The following LOXHD1 variants were observed in gnomAD, a reference collection of about 807,000 sequenced individuals.
The protein encoded by LOXHD1 is lipoxygenase homology domain-containing protein 1.
A neutral mutation model predicts 248.2 loss-of-function variants in LOXHD1; 205 were observed. The observed-to-expected ratio is 0.83, with a 90% CI of 0.74 to 0.93. The LOEUF (loss-of-function observed/expected upper bound fraction) is 0.93, where lower values mean the gene tolerates loss of function less well. Among genes scored for constraint, LOXHD1 ranks in the 40% least tolerant of loss-of-function variants. The pLI is 0.00. For missense variants in LOXHD1, 2,930 were observed against 2,971.6 expected (o/e 0.99, Z 0.33); for synonymous variants, 1,113 against 1,162.8 (o/e 0.96, Z 0.87).
At chr18:46,510,275 G>A (rs1416386526) in intron 34 of LOXHD1, among the ~76,000 whole-genome samples, 1 of 152,198 alleles carries the variant, frequency 6.6e-6, no homozygotes, top group East Asian at 1.9e-4. Flanking sequence ...GCGAATGGTG[G>A]GGCAGGCTGT....
intron 37 of LOXHD1, among the ~76,000 whole-genome samples, chr18:46,503,350 G>T (rs968267358): frequency 1.3e-5 from 2 of 152,160 alleles, no homozygotes; most frequent in Non-Finnish European, 2.9e-5. Flanking sequence ...ACCCATGCCT[G>T]CCACCCTTAC....
At chr18:46,635,980 A>G (rs569853609) in intron 4 of LOXHD1, among the ~76,000 whole-genome samples, 8 of 152,270 alleles carry the variant, frequency 5.3e-5, no homozygotes, top group Non-Finnish European at 8.8e-5. Flanking sequence ...ACCAAAAGCC[A>G]CAGCCATTTG....
chr18:46,547,500 C>A (rs412364), intron 21 of LOXHD1, among the ~76,000 whole-genome samples: 148,219 of 152,310 alleles, frequency 0.97, 72,255 homozygotes, highest in Middle Eastern at 1. Flanking sequence ...CCAATTATGT[C>A]TGCTTTCAGA....
chr18:46,621,488 G>T (rs2038668057), intron 4 of LOXHD1, among the ~76,000 whole-genome samples: 1 of 152,196 alleles, frequency 6.6e-6, no homozygotes, highest in Non-Finnish European at 1.5e-5. Flanking sequence ...GAAAAGCAGG[G>T]CTCCATTCTG....
intron 4 of LOXHD1, among the ~76,000 whole-genome samples, chr18:46,630,642 C>G (rs2038808148): frequency 6.6e-6 from 1 of 152,202 alleles, no homozygotes; most frequent in African/African-American, 2.4e-5. Context: ...CAGGGCTTCC[C>G]TGAAGTCAAA....
intron 4 of LOXHD1, among the ~76,000 whole-genome samples, chr18:46,625,151 A>G (rs1295153184): frequency 6.6e-6 from 1 of 152,164 alleles, no homozygotes; most frequent in Non-Finnish European, 1.5e-5. Context: ...CTTGGCTGTC[A>G]TTGCCCCCAC....
At chr18:46,548,866 T>C (rs1022485254) in intron 21 of LOXHD1, among the ~76,000 whole-genome samples, 2 of 152,192 alleles carry the variant, frequency 1.3e-5, no homozygotes, top group East Asian at 3.9e-4. Context: ...CTGGATTTCC[T>C]GGAGCAAAAT....
intron 1 of LOXHD1, 24 bp downstream of exon 1, chr18:46,656,880 C>A (rs777168194): frequency 4.5e-6 from 7 of 1,549,568 alleles, no homozygotes; most frequent in Non-Finnish European, 6.1e-6. Context: ...CACCACCCGC[C>A]CCCCGCAGGC....
chr18:46,594,289 C>T, intron 9 of LOXHD1, 42 bp downstream of exon 9: 1 of 1,550,180 alleles, frequency 6.5e-7, no homozygotes, highest in Middle Eastern at 1.7e-4. Flanking sequence ...CTCTGCTGAC[C>T]CTGGCTGAGA....
chr18:46,604,190 A>G lies in LOXHD1; in HGVS notation c.799T>C (p.Phe267Leu). The G allele has an allele frequency of 6.4e-7, 1 of 1,551,728 alleles. No homozygotes were observed. The highest frequency in any genetic ancestry group is 2.4e-5 in the East Asian group (1 of 40,918). The change falls in exon 7 of 41, where the codon TTC becomes CTC. Residue 267 changes from phenylalanine to leucine, a missense_variant. Physicochemically the swap from Phe to Leu is conservative, Grantham distance 22 (BLOSUM62 0). Transcript: ENST00000642948. ...EDIGNKRKYD[F>L]PLNRWLALDE... is the part of the protein sequence containing the mutation. ...AAGGCCAGCCAGCGGTTAAGGGGGA[A>G]GTCATATTTTCTTTTGTTCCCAATA... is the stretch of plus-strand genomic sequence containing the variant.
At chr18:46,656,847 C>A (rs2039188694) in intron 1 of LOXHD1, 57 bp downstream of exon 1, 4 of 1,535,218 alleles carry the variant, frequency 2.6e-6, no homozygotes, top group South Asian at 1.2e-5. Flanking sequence ...CAGGAACAGA[C>A]CCCTGCCCAC....
chr18:46,632,896 C>T (rs1299601975), intron 4 of LOXHD1, among the ~76,000 whole-genome samples: 1 of 152,150 alleles, frequency 6.6e-6, no homozygotes, highest in Non-Finnish European at 1.5e-5. Context: ...TGAACCATTC[C>T]ATTGACAGGT....
rs577291012 is a variant in LOXHD1, at chr18:46,606,119, G to A, written c.760-1890C>T. Reference sequence around the variant, plus strand: ...AGACAGATAAGACTACAATGAAAAGGCAATCAGATGAGATTTAAAAATAAC... The same window carrying A: ...AGACAGATAAGACTACAATGAAAAGACAATCAGATGAGATTTAAAAATAAC... On this transcript the variant is annotated intron_variant, in intron 6 of 40. Coordinates refer to ENST00000642948, the MANE Select transcript of LOXHD1 (RefSeq NM_001384474.1). Among the ~76,000 whole-genome samples the A allele has an allele frequency of 3.3e-5, 5 of 152,244 alleles. No homozygotes were observed. In the South Asian group the frequency reaches 1.0e-3, roughly 32 times the overall value.
chr18:46,593,192 G>T (rs2038204019), intron 10 of LOXHD1, among the ~76,000 whole-genome samples: 3 of 129,352 alleles, frequency 2.3e-5, no homozygotes, highest in Non-Finnish European at 5.6e-5. Context: ...TTTTAAAGCT[G>T]AATTTTAAAA....
intron 21 of LOXHD1, among the ~76,000 whole-genome samples, chr18:46,548,860 A>T (rs2036964082): frequency 6.6e-6 from 1 of 152,140 alleles, no homozygotes; most frequent in South Asian, 2.1e-4. Flanking sequence ...CAGAGTCTGG[A>T]TTTCCTGGAG....
chr18:46,603,981 G>T lies in LOXHD1; in HGVS notation c.883+125C>A, dbSNP rs539938268. The T allele has an allele frequency of 1.9e-5, 25 of 1,285,158 alleles. No homozygotes were observed. In the African/African-American group the frequency reaches 3.1e-4, roughly 16 times the overall value. 79.6% of individuals were successfully genotyped at this position (1,285,158 alleles called of 1,614,324 possible). A position where few individuals can be genotyped will look rare whatever the true frequency, so the allele number is the denominator to read the frequency against. ...GACAGAACAGTTTCAGGAGCAGGAG[G>T]AATGCTGTCTGCAGACCCAGCTGGC... On this transcript the variant is annotated intron_variant, in intron 7 of 40. Coordinates refer to ENST00000642948, the MANE Select transcript of LOXHD1 (RefSeq NM_001384474.1).
intron 22 of LOXHD1, 50 bp downstream of exon 22, chr18:46,546,845 G>A: frequency 1.3e-6 from 2 of 1,519,610 alleles, no homozygotes; most frequent in Non-Finnish European, 1.8e-6. Context: ...GTTAGGGAGA[G>A]GCAGAGGGGA....
intron 29 of LOXHD1, among the ~76,000 whole-genome samples, chr18:46,526,581 A>G (rs1298403952): frequency 6.6e-6 from 1 of 152,256 alleles, no homozygotes; most frequent in East Asian, 1.9e-4. Context: ...AGTGGTCTAC[A>G]GAGGGCACTC....
chr18:46,547,369 G>A (rs762862992), intron 21 of LOXHD1, among the ~76,000 whole-genome samples: 15 of 152,292 alleles, frequency 9.8e-5, no homozygotes, highest in East Asian at 3.9e-4. Flanking sequence ...AGGGACATAC[G>A]GGGACCTTTC....
Sources: allele counts gnomAD v4.1 joint callset (sites outside exome capture counted in the v4.1 genomes callset), GRCh38; gene constraint gnomAD v4.1.1; transcripts MANE v1.5; gene names NCBI Gene and HGNC (gene_info 2026-07-23, HGNC 2026-07-21).